DOK6: variants seen among roughly 807,000 people sequenced by gnomAD.
The protein encoded by DOK6 is downstream of tyrosine kinase 6.
DOK6 carries 22 observed loss-of-function variants against 44.0 expected under a neutral mutation model. The ratio of observed to expected loss-of-function variants is 0.50; its 90% confidence interval spans 0.36 to 0.71. The LOEUF is 0.71. Ranked by LOEUF, DOK6 falls within the 30% of genes least tolerant of loss-of-function variation. The pLI, the probability that DOK6 is intolerant of heterozygous loss-of-function variation, is 0.00. For synonymous variants in DOK6, 166 were observed against 145.5 expected (o/e 1.14, Z -1.01); for missense variants, 340 against 416.4 (o/e 0.82, Z 1.60).
intron 1 of DOK6, among the ~76,000 whole-genome samples, chr18:69,420,841 T>C (rs886165425): frequency 6.6e-6 from 1 of 152,192 alleles, no homozygotes; most frequent in Non-Finnish European, 1.5e-5. Context: ...GACTAGGACA[T>C]GATACCCTTT....
At chr18:69,690,029 T>C (rs1021859045) in intron 4 of DOK6, among the ~76,000 whole-genome samples, 5 of 152,138 alleles carry the variant, frequency 3.3e-5, no homozygotes, top group Non-Finnish European at 7.4e-5. Flanking sequence ...AACAGAAATC[T>C]CTAAGGTTTA....
chr18:69,514,715 G>GGT (rs1981467988), intron 1 of DOK6, among the ~76,000 whole-genome samples: 1 of 149,154 alleles, frequency 6.7e-6, no homozygotes, highest in Admixed American at 6.7e-5. Context: ...TAGGTTTTTT[G>GGT]TTTTTTTTTA....
At chr18:69,413,295 G>A (rs529403133) in intron 1 of DOK6, among the ~76,000 whole-genome samples, 114 of 152,106 alleles carry the variant, frequency 7.5e-4, no homozygotes, top group Non-Finnish European at 7.9e-4. Context: ...GTTGTCTTCA[G>A]CAACAAGTAG....
intron 1 of DOK6, among the ~76,000 whole-genome samples, chr18:69,519,560 G>A (rs534262434): frequency 5.3e-4 from 80 of 152,040 alleles, no homozygotes; most frequent in Non-Finnish European, 9.7e-4. Flanking sequence ...AATGTTAGGT[G>A]TATAAGGAAA....
intron 6 of DOK6, among the ~76,000 whole-genome samples, chr18:69,751,350 AAT>A (rs1375613045): frequency 6.6e-6 from 1 of 152,214 alleles, no homozygotes; most frequent in South Asian, 2.1e-4. Flanking sequence ...GTGCCCCACA[AAT>A]ATATATAATT....
At chr18:69,449,377 C>T (rs1979388460) in intron 1 of DOK6, among the ~76,000 whole-genome samples, 1 of 152,036 alleles carries the variant, frequency 6.6e-6, no homozygotes, top group South Asian at 2.1e-4. Context: ...TAAACTTTGA[C>T]ATAAATCTGT....
intron 1 of DOK6, among the ~76,000 whole-genome samples, chr18:69,521,220 G>A (rs957972189): frequency 2.1e-4 from 32 of 151,692 alleles, no homozygotes; most frequent in Admixed American, 3.9e-4. Context: ...ATGAATCCGA[G>A]TTTCTTATTT....
rs34442807 is a variant in DOK6, at chr18:69,777,142, T to TA, written c.856+19281dup. 7.6e-3 allele frequency among the ~76,000 whole-genome samples: 1,114 copies of TA among 145,868 alleles called. 12 individuals are homozygous for TA. Among genetic ancestry groups the TA allele is most frequent in the African/African-American group, 0.025 (988 of 39,288 alleles). On this transcript the variant is annotated intron_variant, in intron 7 of 7. Transcript: ENST00000382713. The stretch of plus-strand genomic sequence containing the variant: ...ATGTACCCTAAAACTTAAAGTATAA[T>TA]AAAAAAAAAAAAGACAGGATAAAAA...
intron 7 of DOK6, among the ~76,000 whole-genome samples, chr18:69,761,754 G>C (rs1235215790): frequency 6.6e-6 from 1 of 152,154 alleles, no homozygotes; most frequent in Non-Finnish European, 1.5e-5. Context: ...CTTGAATATT[G>C]AGAGGATGGT....
chr18:69,473,543 A>G (rs1281502342), intron 1 of DOK6, among the ~76,000 whole-genome samples: 1 of 152,108 alleles, frequency 6.6e-6, no homozygotes, highest in Non-Finnish European at 1.5e-5. Flanking sequence ...CCTACATATC[A>G]GCTGTATTTT....
chr18:69,691,397 A>G (rs1056042718), intron 4 of DOK6, among the ~76,000 whole-genome samples: 1 of 149,984 alleles, frequency 6.7e-6, no homozygotes, highest in Non-Finnish European at 1.5e-5. Context: ...CTCAAGCCCC[A>G]TGAAAGAGGA....
intron 3 of DOK6, among the ~76,000 whole-genome samples, chr18:69,671,001 G>A (rs549626730): frequency 5.3e-5 from 8 of 151,904 alleles, no homozygotes; most frequent in South Asian, 2.1e-4. Flanking sequence ...ACGCACACAC[G>A]CGCACACATA....
At chr18:69,830,670 G>GT (rs1220071833) in intron 7 of DOK6, among the ~76,000 whole-genome samples, 2 of 152,158 alleles carry the variant, frequency 1.3e-5, no homozygotes, top group South Asian at 2.1e-4. Flanking sequence ...TGTTTGAATT[G>GT]TTTTTTGTTA....
chr18:69,458,894 C>T (rs552682719), intron 1 of DOK6, among the ~76,000 whole-genome samples: 57 of 151,920 alleles, frequency 3.8e-4, no homozygotes, highest in Middle Eastern at 3.4e-3. Context: ...GAGTTCAAGA[C>T]CAGCTTGTCC....
At chr18:69,709,007 G>C (rs1208633184) in intron 5 of DOK6, among the ~76,000 whole-genome samples, 1 of 152,150 alleles carries the variant, frequency 6.6e-6, no homozygotes, top group African/African-American at 2.4e-5. Context: ...AGCTGCAGGA[G>C]AGTGATTGCA....
intron 1 of DOK6, among the ~76,000 whole-genome samples, chr18:69,475,186 T>G (rs1000829126): frequency 6.6e-6 from 1 of 152,174 alleles, no homozygotes; most frequent in Admixed American, 6.5e-5. Flanking sequence ...TATAACATAT[T>G]CCACCATATT....
At chr18:69,750,142 GAT>G (rs1346727495) in intron 6 of DOK6, among the ~76,000 whole-genome samples, 1 of 150,848 alleles carries the variant, frequency 6.6e-6, no homozygotes, top group African/African-American at 2.4e-5. Flanking sequence ...ATGAAACAAA[GAT>G]ATTAATGGAT....
At chr18:69,757,904 C>T in intron 7 of DOK6, 31 bp downstream of exon 7, 1 of 1,564,062 alleles carries the variant, frequency 6.4e-7, no homozygotes, top group East Asian at 2.2e-5. Flanking sequence ...AAAGCAGTGC[C>T]TCCATAAGCT....
chr18:69,401,319 C>T lies in DOK6; in HGVS notation c.66+9C>T, dbSNP rs1041829156. 4 of 1,526,366 alleles carry T rather than the reference C, an allele frequency of 2.6e-6. No homozygotes were observed. Among genetic ancestry groups the T allele is most frequent in the Non-Finnish European group, 1.8e-6 (2 of 1,135,934 alleles). 94.6% of individuals were successfully genotyped at this position (1,526,366 alleles called of 1,614,324 possible). On this transcript the variant is annotated intron_variant, in intron 1 of 7. Coordinates refer to ENST00000382713, the MANE Select transcript of DOK6 (RefSeq NM_152721.6). ...GCAGCAGGAAGCTTGGGGTGAGTGGCTCGCTCGGCTTGCTCCTTCCCCGGC... is the reference window on the plus strand; with the variant it reads ...GCAGCAGGAAGCTTGGGGTGAGTGGTTCGCTCGGCTTGCTCCTTCCCCGGC...
Sources: allele counts gnomAD v4.1 joint callset (sites outside exome capture counted in the v4.1 genomes callset), GRCh38; gene constraint gnomAD v4.1.1; transcripts MANE v1.5; gene names NCBI Gene and HGNC (gene_info 2026-07-23, HGNC 2026-07-21).